ABCA5: variants seen among roughly 807,000 people sequenced by gnomAD.
The protein encoded by ABCA5 is ATP binding cassette subfamily A member 5, also known as cholesterol transporter ABCA5.
Under a neutral mutation model 206.0 loss-of-function variants are expected in ABCA5, and 163 were observed. The ratio of observed to expected loss-of-function variants is 0.79; its 90% CI spans 0.70 to 0.90. ABCA5 has a LOEUF of 0.90. ABCA5 is among the 40% of genes least tolerant of loss of function. The pLI is 0.00. For synonymous variants in ABCA5, 609 were observed against 613.8 expected (o/e 0.99, Z 0.11); for missense variants, 1,859 against 1,912.9 (o/e 0.97, Z 0.53).
At chr17:69,310,799 C>T (rs563733784) in intron 3 of ABCA5, among the ~76,000 whole-genome samples, 5 of 152,308 alleles carry the variant, frequency 3.3e-5, no homozygotes, top group African/African-American at 1.2e-4. Context: ...CACAGACAGG[C>T]GATTTGAACT....
chr17:69,290,752 C>T (rs1276083227), intron 12 of ABCA5, among the ~76,000 whole-genome samples: 3 of 152,070 alleles, frequency 2.0e-5, no homozygotes, highest in African/African-American at 4.8e-5. Flanking sequence ...AATGAATTCT[C>T]ACCTACCAAA....
chr17:69,259,676 A>C (rs1477881057), intron 28 of ABCA5, 30 bp downstream of exon 28: 1 of 1,432,830 alleles, frequency 7.0e-7, no homozygotes, highest in Non-Finnish European at 9.7e-7. Flanking sequence ...TATACTAAAA[A>C]CATTTAAAAT....
intron 28 of ABCA5, among the ~76,000 whole-genome samples, chr17:69,256,519 G>A (rs2075083778): frequency 6.7e-6 from 1 of 148,876 alleles, no homozygotes; most frequent in Non-Finnish European, 1.5e-5. Flanking sequence ...GCAGTGGTAC[G>A]ATCTCAGGTC....
In ABCA5 at chr17:69,255,841, T is replaced by C; in HGVS notation, c.3868A>G (p.Ile1290Val). 2 of 1,557,428 alleles carry C rather than the reference T, an allele frequency of 1.3e-6. No homozygotes were observed. Among genetic ancestry groups the C allele is most frequent in the East Asian group, 4.5e-5 (2 of 44,334 alleles). The change falls in exon 30 of 39, where the codon ATT becomes GTT. Residue 1290 changes from isoleucine to valine, a missense_variant. Physicochemically the swap from Ile to Val is conservative, Grantham distance 29 (BLOSUM62 3). Coordinates refer to ENST00000392676, the MANE Select transcript of ABCA5 (RefSeq NM_172232.4). ...TCTTTATGCAAATTGCTGACCATAA[T>C]GGATGGTTTCTAATAAGAAAAATTG... ...GCQCCEEKPS[I>V]MVSNLHKEYD...
At chr17:69,284,192 C>A in intron 17 of ABCA5, 120 bp from the exon 18 acceptor site, 1 of 797,474 alleles carries the variant, frequency 1.3e-6, no homozygotes, top group Non-Finnish European at 1.7e-6. Flanking sequence ...CCCATCTCTA[C>A]AAAAAATAAA....
chr17:69,246,448 C>T lies in ABCA5; in HGVS notation c.*1089G>A, dbSNP rs1384288117. The T allele has an allele frequency of 3.9e-5, 6 of 151,918 alleles. No individual in the cohort carries two copies. The highest frequency in any genetic ancestry group is 9.7e-5 in the African/African-American group (4 of 41,430). 9.4% of individuals were successfully genotyped at this position (151,918 alleles called of 1,614,324 possible). Reference sequence around the variant, plus strand: ...AAGAAAATATTAGCCATGCCTTTAACTCTATCAAAAATGAAATTCTGGTTC... The same window carrying T: ...AAGAAAATATTAGCCATGCCTTTAATTCTATCAAAAATGAAATTCTGGTTC... On this transcript the variant is annotated 3_prime_UTR_variant, in exon 39 of 39. Transcript: ENST00000392676.
rs572488338 is a variant in ABCA5, at chr17:69,300,858, C to T, written c.1267+281G>A. On this transcript the variant is annotated intron_variant, in intron 9 of 38. Coordinates refer to ENST00000392676, the MANE Select transcript of ABCA5 (RefSeq NM_172232.4). ...AGACCTTAGAGGGTAAAATAAAATACTTCAATTAAAAAAGACTGATATAAA... is the reference window on the plus strand; with the variant it reads ...AGACCTTAGAGGGTAAAATAAAATATTTCAATTAAAAAAGACTGATATAAA... 2.0e-5 allele frequency among the ~76,000 whole-genome samples: 3 copies of T among 152,172 alleles called. No individual in the cohort carries two copies. In the South Asian group the frequency reaches 6.2e-4, roughly 32 times the overall value.
chr17:69,305,147 G>C (rs962958622), intron 6 of ABCA5, among the ~76,000 whole-genome samples: 1 of 152,116 alleles, frequency 6.6e-6, no homozygotes, highest in Non-Finnish European at 1.5e-5. Flanking sequence ...AAATGTAGGA[G>C]TTTAATGAGT....
intron 3 of ABCA5, among the ~76,000 whole-genome samples, chr17:69,309,665 A>AG (rs2075751380): frequency 6.6e-6 from 1 of 152,096 alleles, no homozygotes; most frequent in Non-Finnish European, 1.5e-5. Flanking sequence ...CAACATGGTG[A>AG]GGTTCTGTCT....
chr17:69,255,530 TTATA>T lies in ABCA5; in HGVS notation c.4068+9_4068+12del. 1.3e-6 allele frequency: 2 copies of T among 1,502,796 alleles called. No individual in the cohort carries two copies. Among genetic ancestry groups the T allele is most frequent in the Non-Finnish European group, 1.8e-6 (2 of 1,119,918 alleles). 93.1% of individuals were successfully genotyped at this position (1,502,796 alleles called of 1,614,324 possible). A position where few individuals can be genotyped will look rare whatever the true frequency, so the allele number is the denominator to read the frequency against. The stretch of plus-strand genomic sequence containing the variant: ...ATCACATTCAACATATCCTATACTC[TTATA>T]TATCATACCTGGCCTGAAGTTGGTT... On this transcript the variant is annotated intron_variant, in intron 31 of 38. Coordinates refer to ENST00000392676, the MANE Select transcript of ABCA5 (RefSeq NM_172232.4).
chr17:69,282,401 G>A (rs2075403816), intron 18 of ABCA5, among the ~76,000 whole-genome samples: 1 of 152,106 alleles, frequency 6.6e-6, no homozygotes, highest in South Asian at 2.1e-4. Flanking sequence ...ATCTACCTGT[G>A]AGTAACTTCC....
At chr17:69,319,130 C>T (rs1028421511) in intron 1 of ABCA5, among the ~76,000 whole-genome samples, 1 of 152,146 alleles carries the variant, frequency 6.6e-6, no homozygotes, top group African/African-American at 2.4e-5. Flanking sequence ...TGTTATATCA[C>T]ATTTAGCAAA....
At chr17:69,298,918 T>C (rs774640199) in intron 9 of ABCA5, among the ~76,000 whole-genome samples, 4 of 152,164 alleles carry the variant, frequency 2.6e-5, no homozygotes, top group Non-Finnish European at 5.9e-5. Context: ...TCACTATATA[T>C]ATATGTTGAC....
intron 4 of ABCA5, 28 bp downstream of exon 4, chr17:69,309,234 T>C (rs2075747112): frequency 6.7e-7 from 1 of 1,494,866 alleles, no homozygotes; most frequent in African/African-American, 1.4e-5. Flanking sequence ...ATTTAATTGA[T>C]CTTCAATGAT....
chr17:69,287,677 G>A lies in ABCA5; in HGVS notation c.1977C>T (p.Tyr659=). The A allele has an allele frequency of 1.2e-6, 2 of 1,613,918 alleles. No individual in the cohort carries two copies. Among genetic ancestry groups the A allele is most frequent in the South Asian group, 1.1e-5 (1 of 91,064 alleles). The part of the protein sequence containing the change: ...SRHIVWNLLK[Y]RKANRVTVFS... ...ACACTGTCACCCGATTGGCTTTTCT[G>A]TATTTTAAAAGATTCCATACAATAT... Residue 659 remains tyrosine, a synonymous_variant, in exon 15 of 39, where the codon TAC becomes TAT. Transcript: ENST00000392676.
chr17:69,264,232 T>C (rs1195841836), intron 24 of ABCA5, among the ~76,000 whole-genome samples: 1 of 152,162 alleles, frequency 6.6e-6, no homozygotes, highest in East Asian at 1.9e-4. Context: ...GTTTTGTAGT[T>C]CTCCCTGTAG....
intron 25 of ABCA5, 50 bp from the exon 26 acceptor site, chr17:69,261,309 T>C (rs1334433136): frequency 2.0e-6 from 3 of 1,534,408 alleles, no homozygotes; most frequent in Non-Finnish European, 1.8e-6. Context: ...TAGAAACTTC[T>C]TACAAATTGG....
intron 21 of ABCA5, 120 bp from the exon 22 acceptor site, chr17:69,270,870 T>C: frequency 2.1e-6 from 2 of 931,538 alleles, no homozygotes; most frequent in South Asian, 2.3e-5. Context: ...CTTCAACAAC[T>C]CACAGAAATA....
At chr17:69,323,868 G>C (rs1274172236) in intron 1 of ABCA5, among the ~76,000 whole-genome samples, 2 of 152,228 alleles carry the variant, frequency 1.3e-5, no homozygotes, top group Non-Finnish European at 2.9e-5. Flanking sequence ...CACTGCTTCT[G>C]CATTTTTAAA....
Sources: allele counts gnomAD v4.1 joint callset (sites outside exome capture counted in the v4.1 genomes callset), GRCh38; gene constraint gnomAD v4.1.1; transcripts MANE v1.5; gene names NCBI Gene and HGNC (gene_info 2026-07-23, HGNC 2026-07-21).